The following FARP1 variants were observed in gnomAD, a reference collection of about 807,000 sequenced individuals.
The protein encoded by FARP1 is FERM, ARH/RhoGEF and pleckstrin domain protein 1.
In FARP1, 52 loss-of-function variants were observed where a neutral mutation model predicts 128.8. The ratio of observed to expected loss-of-function variants is 0.40; its 90% CI spans 0.32 to 0.51. The LOEUF (loss-of-function observed/expected upper bound fraction) is 0.51, where lower values mean the gene tolerates loss of function less well. Ranked by LOEUF, FARP1 falls within the 20% of genes least tolerant of loss-of-function variation. The pLI is 0.45. For synonymous variants in FARP1, 580 were observed against 551.8 expected, an observed-to-expected ratio of 1.05 and a Z score of -0.72; for missense variants, 1,333 against 1,367.9, an observed-to-expected ratio of 0.97 and a Z score of 0.40.
At chr13:98,174,888 G>C (rs1877891519) in intron 1 of FARP1, among the ~76,000 whole-genome samples, 1 of 152,178 alleles carries the variant, frequency 6.6e-6, no homozygotes. Flanking sequence ...GTAACTGGTA[G>C]AACCATGACT....
chr13:98,446,530 C>A, intron 25 of FARP1, 136 bp from the exon 26 acceptor site: 1 of 861,298 alleles, frequency 1.2e-6, no homozygotes. Context: ...CACTGGCTGC[C>A]ATGGTCCCTT....
chr13:98,326,292 T>C (rs1230841423), intron 2 of FARP1, among the ~76,000 whole-genome samples: 1 of 152,246 alleles, frequency 6.6e-6, no homozygotes, highest in Non-Finnish European at 1.5e-5. Context: ...GCCTTAATGC[T>C]TTCTTTTCTT....
chr13:98,173,239 T>C (rs1877774901), intron 1 of FARP1, among the ~76,000 whole-genome samples: 1 of 152,182 alleles, frequency 6.6e-6, no homozygotes, highest in South Asian at 2.1e-4. Flanking sequence ...AGTTCTGTCC[T>C]TGCAAAACAG....
At chr13:98,173,776 G>C (rs1877805695) in intron 1 of FARP1, among the ~76,000 whole-genome samples, 1 of 152,210 alleles carries the variant, frequency 6.6e-6, no homozygotes, top group Admixed American at 6.5e-5. Flanking sequence ...GGTGGGACCT[G>C]GTCCAGACAG....
intron 1 of FARP1, among the ~76,000 whole-genome samples, chr13:98,168,474 A>G (rs565024181): frequency 1.3e-5 from 2 of 152,284 alleles, no homozygotes; most frequent in African/African-American, 4.8e-5. Context: ...CATCCTTGAG[A>G]GATCCTTGTC....
chr13:98,198,910 CCCT>C (rs1879753874), intron 1 of FARP1, among the ~76,000 whole-genome samples: 1 of 616 alleles, frequency 1.6e-3, no homozygotes, highest in African/African-American at 5.3e-3. Flanking sequence ...CTCCCCCTCC[CCCT>C]TTCCCCCTCC....
At chr13:98,309,528 G>A (rs1004216348) in intron 2 of FARP1, among the ~76,000 whole-genome samples, 3 of 152,050 alleles carry the variant, frequency 2.0e-5, no homozygotes, top group African/African-American at 7.2e-5. Flanking sequence ...ACTTATATTT[G>A]TAGCTCATAT....
At chr13:98,344,935 C>G (rs1218663224) in intron 3 of FARP1, among the ~76,000 whole-genome samples, 1 of 152,164 alleles carries the variant, frequency 6.6e-6, no homozygotes, top group African/African-American at 2.4e-5. Context: ...TCTGCCTTCT[C>G]CTATTCAGCT....
Position 98,213,269 on chromosome 13 carries a change from C to T in FARP1, c.27C>T (p.Thr9=). The part of the protein sequence containing the change: MGEIEQRP[T]PGSRLGAPEN... Reference sequence around the variant, plus strand: ...TGGGAGAAATAGAGCAGAGGCCGACCCCAGGATCACGACTGGGGGCCCCGG... The same window carrying T: ...TGGGAGAAATAGAGCAGAGGCCGACTCCAGGATCACGACTGGGGGCCCCGG... Residue 9 remains threonine, a synonymous_variant, in exon 2 of 27, where the codon ACC becomes ACT. Coordinates refer to ENST00000319562, the MANE Select transcript of FARP1 (RefSeq NM_005766.4). The T allele has an allele frequency of 6.2e-7, 1 of 1,613,816 alleles. No homozygotes were observed. The highest frequency in any genetic ancestry group is 1.3e-5 in the African/African-American group (1 of 75,006).
chr13:98,327,626 A>C (rs1887292163), intron 2 of FARP1, among the ~76,000 whole-genome samples: 1 of 152,218 alleles, frequency 6.6e-6, no homozygotes, highest in Non-Finnish European at 1.5e-5. Flanking sequence ...AGTTTCTGAT[A>C]AAGTCTTTCC....
intron 1 of FARP1, among the ~76,000 whole-genome samples, chr13:98,155,937 G>T (rs1327545944): frequency 6.6e-6 from 1 of 152,174 alleles, no homozygotes; most frequent in Non-Finnish European, 1.5e-5. Context: ...GCTGCCAGGA[G>T]GCAAGAATCA....
chr13:98,225,981 C>G (rs561562794), intron 2 of FARP1, among the ~76,000 whole-genome samples: 1 of 145,922 alleles, frequency 6.9e-6, no homozygotes, highest in African/African-American at 2.5e-5. Context: ...TCTGCCATAG[C>G]ATTGGGGGAG....
intron 3 of FARP1, among the ~76,000 whole-genome samples, chr13:98,344,265 G>A (rs574123586): frequency 1.3e-5 from 2 of 152,300 alleles, no homozygotes; most frequent in East Asian, 3.9e-4. Context: ...GGTTGGAGAT[G>A]GTGCTGGCTA....
At chr13:98,334,997 T>A (rs1373279103) in intron 2 of FARP1, among the ~76,000 whole-genome samples, 1 of 152,252 alleles carries the variant, frequency 6.6e-6, no homozygotes, top group African/African-American at 2.4e-5. Context: ...CATCTGTGTT[T>A]ACCTAGCAAA....
At chr13:98,251,223 G>A (rs9584781) in intron 2 of FARP1, among the ~76,000 whole-genome samples, 47,951 of 152,104 alleles carry the variant, frequency 0.32, 8,951 homozygotes, top group East Asian at 0.6. Flanking sequence ...AAAGAAAGAA[G>A]TGAGGCTCAA....
chr13:98,182,530 T>C (rs1878605990), intron 1 of FARP1, among the ~76,000 whole-genome samples: 2 of 152,182 alleles, frequency 1.3e-5, no homozygotes, highest in Non-Finnish European at 2.9e-5. Context: ...TCTCGCCATA[T>C]TGCCCAGGCT....
rs1888656398 is a variant in FARP1 at position 98,356,634 on chromosome 13, T to TTTATTTATTTAA, written c.277-8750_277-8749insATTATTTATTTA. Among the ~76,000 whole-genome samples the TTTATTTATTTAA allele has an allele frequency of 2.0e-5, 3 of 150,726 alleles. No individual in the cohort carries two copies. In the South Asian group the frequency reaches 6.3e-4, roughly 32 times the overall value. On this transcript the variant is annotated intron_variant, in intron 3 of 26. Transcript: ENST00000319562. ...ACCCTTTTAAAATTTTATTTATTTA[T>TTTATTTATTTAA]TTATTTATTTATTTATTTATTTTTG...
chr13:98,338,459 G>A (rs1217181216), intron 2 of FARP1: 3 of 152,178 alleles, frequency 2.0e-5, no homozygotes, highest in African/African-American at 4.8e-5. Context: ...GTGTCTGTAA[G>A]TTTCATTCAT....
intron 2 of FARP1, among the ~76,000 whole-genome samples, 190 bp downstream of exon 2, chr13:98,213,603 A>G (rs907858629): frequency 6.6e-6 from 1 of 152,062 alleles, no homozygotes; most frequent in Admixed American, 6.5e-5. Context: ...GTCTAGATTT[A>G]TGCTTGAACC....
Sources: allele counts gnomAD v4.1 joint callset (sites outside exome capture counted in the v4.1 genomes callset), GRCh38; gene constraint gnomAD v4.1.1; transcripts MANE v1.5; gene names NCBI Gene and HGNC (gene_info 2026-07-23, HGNC 2026-07-21).